The following DAPK1 variants were observed in gnomAD, a reference collection of about 807,000 sequenced individuals.
The protein encoded by DAPK1 is death-associated protein kinase 1.
In DAPK1, 56 loss-of-function variants were observed where a neutral mutation model predicts 144.9. The observed-to-expected ratio is 0.39, with a 90% CI of 0.31 to 0.48. The LOEUF (loss-of-function observed/expected upper bound fraction) is 0.48. Among genes scored for constraint, DAPK1 ranks in the 20% least tolerant of loss-of-function variants. DAPK1 has a pLI of 0.95. For synonymous variants in DAPK1, 690 were observed against 749.0 expected (o/e 0.92, Z 1.29); for missense variants, 1,454 against 1,875.4 (o/e 0.78, Z 4.15).
chr9:87,561,483 A>G (rs10868636), intron 2 of DAPK1, among the ~76,000 whole-genome samples: 35,155 of 151,656 alleles, frequency 0.23, 4,611 homozygotes, highest in Non-Finnish European at 0.3. Flanking sequence ...CCGAGATGGC[A>G]CCACTGCACT....
At chr9:87,576,588 C>G (rs137936895) in intron 2 of DAPK1, among the ~76,000 whole-genome samples, 79 of 152,076 alleles carry the variant, frequency 5.2e-4, no homozygotes, top group African/African-American at 1.9e-3. Flanking sequence ...GACGGAGTCT[C>G]TCTCTATTTC....
intron 2 of DAPK1, among the ~76,000 whole-genome samples, chr9:87,563,638 G>C (rs1440443427): frequency 6.6e-6 from 1 of 152,212 alleles, no homozygotes; most frequent in Non-Finnish European, 1.5e-5. Flanking sequence ...GAGGATAAGA[G>C]GCCATGTGAA....
intron 24 of DAPK1, among the ~76,000 whole-genome samples, chr9:87,702,768 A>G (rs549997623): frequency 2.0e-4 from 31 of 151,950 alleles, no homozygotes; most frequent in African/African-American, 7.5e-4. Context: ...AGCCAGACAC[A>G]GTGGTGTGTA....
chr9:87,526,142 T>C (rs4878087), intron 2 of DAPK1, among the ~76,000 whole-genome samples: 67,102 of 150,140 alleles, frequency 0.45, 15,265 homozygotes, highest in South Asian at 0.58. Flanking sequence ...ACCCTGTCTC[T>C]ACAATTAAAA....
intron 2 of DAPK1, among the ~76,000 whole-genome samples, chr9:87,501,014 C>G (rs1382202166): frequency 6.6e-6 from 1 of 152,112 alleles, no homozygotes; most frequent in African/African-American, 2.4e-5. Context: ...GATTTTATGT[C>G]TGCCTTGGAT....
chr9:87,543,197 A>G (rs925712788), intron 2 of DAPK1, among the ~76,000 whole-genome samples: 22 of 152,244 alleles, frequency 1.4e-4, no homozygotes, highest in Admixed American at 1.3e-3. Context: ...CGGGGCTGTG[A>G]TAGTTCTGCT....
intron 2 of DAPK1, among the ~76,000 whole-genome samples, chr9:87,505,878 G>C (rs922306881): frequency 2.0e-5 from 3 of 152,160 alleles, no homozygotes; most frequent in African/African-American, 7.2e-5. Flanking sequence ...AGTAGAGGTG[G>C]GGTTTCGCCA....
chr9:87,617,487 A>G (rs7869944), intron 3 of DAPK1, among the ~76,000 whole-genome samples: 9,541 of 152,202 alleles, frequency 0.063, 420 homozygotes, highest in East Asian at 0.12. Flanking sequence ...CAATGGGAAG[A>G]GTTTTCCTGG....
intron 16 of DAPK1, 73 bp downstream of exon 16, chr9:87,650,191 G>GT: frequency 6.7e-7 from 1 of 1,494,744 alleles, no homozygotes; most frequent in Non-Finnish European, 9.2e-7. Context: ...AGACTCCTCA[G>GT]TTTGTTTCCC....
chr9:87,640,473 G>T, intron 8 of DAPK1, 23 bp downstream of exon 8: 1 of 1,611,066 alleles, frequency 6.2e-7, no homozygotes, highest in African/African-American at 1.3e-5. Flanking sequence ...GTTCCTGAAA[G>T]GTGCTTGGCC....
intron 2 of DAPK1, among the ~76,000 whole-genome samples, chr9:87,576,148 A>T (rs567147854): frequency 1.3e-5 from 2 of 152,338 alleles, no homozygotes; most frequent in African/African-American, 4.8e-5. Flanking sequence ...TTCATTCTTC[A>T]TACACGTACA....
At chr9:87,517,229 G>C (rs933763613) in intron 2 of DAPK1, among the ~76,000 whole-genome samples, 62 of 151,158 alleles carry the variant, frequency 4.1e-4, no homozygotes, top group African/African-American at 1.5e-3. Context: ...TAGCAGGCTT[G>C]CTACATTACT....
chr9:87,575,724 C>T (rs970981396), intron 2 of DAPK1, among the ~76,000 whole-genome samples: 7 of 152,204 alleles, frequency 4.6e-5, no homozygotes, highest in Non-Finnish European at 1.0e-4. Flanking sequence ...CGTTATCTCT[C>T]CCTCCCGACT....
At chr9:87,528,516 C>G (rs11141865) in intron 2 of DAPK1, among the ~76,000 whole-genome samples, 2 of 151,852 alleles carry the variant, frequency 1.3e-5, no homozygotes, top group Non-Finnish European at 2.9e-5. Flanking sequence ...CCACGCCCGG[C>G]CTACCATGCA....
rs766434539 is a variant in DAPK1, at chr9:87,706,804, C to T, written c.3733C>T (p.His1245Tyr). The change falls in exon 26 of 26, where the codon CAC (histidine) becomes TAC (tyrosine). Residue 1245 changes from histidine (H) to tyrosine (Y), a missense_variant. Physicochemically the swap from His to Tyr is moderately conservative, Grantham distance 83. This residue lies in a region of DAPK1 where 1,025 missense variants were observed against 1,237.9 expected (regional missense o/e 0.83). Coordinates refer to ENST00000408954, the MANE Select transcript of DAPK1 (RefSeq NM_004938.4). The surrounding 1 kb of genome is among the most constrained non-coding windows in gnomAD (Gnocchi z 9.0). ...CCTGAGCCCCCAGCAGCTGCGGGAG[C>T]ACCATGAGCCCGTCATGATCTACCA... ...HYLSPQQLREHHEPVMIYQPR... is the reference protein window; with the variant it reads ...HYLSPQQLREYHEPVMIYQPR... 6.2e-7 allele frequency: 1 copy of T among 1,613,482 alleles called. No individual in the cohort carries two copies.
At chr9:87,656,581 A>G (rs1329209526) in intron 17 of DAPK1, among the ~76,000 whole-genome samples, 2 of 152,248 alleles carry the variant, frequency 1.3e-5, no homozygotes, top group African/African-American at 4.8e-5. Flanking sequence ...GCAGAAGATA[A>G]TAATAAAGAA....
chr9:87,498,945 A>G (rs1484752762), intron 1 of DAPK1, 25 bp from the exon 2 acceptor site: 9 of 665,086 alleles, frequency 1.4e-5, no homozygotes, highest in East Asian at 2.7e-5. Context: ...TACTATTATT[A>G]TTGCCTTTTT....
chr9:87,548,355 T>G (rs1438250404), intron 2 of DAPK1, among the ~76,000 whole-genome samples: 1 of 152,188 alleles, frequency 6.6e-6, no homozygotes, highest in Non-Finnish European at 1.5e-5. Context: ...ACACTGAACC[T>G]CAGTATCACC....
intron 2 of DAPK1, chr9:87,506,975 G>A (rs533884771): frequency 6.6e-6 from 1 of 152,310 alleles, no homozygotes; most frequent in South Asian, 2.1e-4. Context: ...TGCTGGGTGG[G>A]TTTTTACAAA....
Sources: allele counts gnomAD v4.1 joint callset (sites outside exome capture counted in the v4.1 genomes callset), GRCh38; gene constraint gnomAD v4.1.1; regional missense constraint gnomAD v4.1.1; non-coding constraint Gnocchi (gnomAD v3.1); transcripts MANE v1.5; gene names NCBI Gene and HGNC (gene_info 2026-07-23, HGNC 2026-07-21).